HSD17B11: variants seen among roughly 807,000 people sequenced by gnomAD.
The protein encoded by HSD17B11 is estradiol 17-beta-dehydrogenase 11.
A neutral mutation model predicts 27.8 loss-of-function variants in HSD17B11; 22 were observed. That is an observed-to-expected ratio of 0.79 (90% confidence interval 0.56 to 1.13). The LOEUF is 1.13. HSD17B11 is among the 50% of genes most tolerant of loss of function. The pLI, the probability that HSD17B11 is intolerant of heterozygous loss-of-function variation, is 0.00. For synonymous variants in HSD17B11, 117 were observed against 132.8 expected, an observed-to-expected ratio of 0.88 and a Z score of 0.82; for missense variants, 314 against 351.1, an observed-to-expected ratio of 0.89 and a Z score of 0.84.
intron 1 of HSD17B11, among the ~76,000 whole-genome samples, 159 bp downstream of exon 1, chr4:87,390,702 C>T (rs1366827698): frequency 6.6e-6 from 1 of 152,094 alleles, no homozygotes; most frequent in Non-Finnish European, 1.5e-5. Context: ...TGTGATCATA[C>T]AACATATTAA....
chr4:87,382,532 TA>T (rs1164564004), intron 1 of HSD17B11, among the ~76,000 whole-genome samples, 170 bp from the exon 2 acceptor site: 2 of 152,252 alleles, frequency 1.3e-5, no homozygotes, highest in Non-Finnish European at 2.9e-5. Context: ...ATTTTGCTTT[TA>T]GTATTTTGAC....
Position 87,358,010 on chromosome 4 carries a change from G to A in HSD17B11, c.558-594C>T, listed in dbSNP as rs1365075997. Among the ~76,000 whole-genome samples, 3 of 120,282 alleles carry A rather than the reference G, an allele frequency of 2.5e-5. No individual in the cohort carries two copies. The East Asian group carries it at 8.5e-4, about 34-fold the overall frequency. 78.9% of individuals were successfully genotyped at this position (120,282 alleles called of 152,430 possible). ...AGAGTCTTGCTCTGTCACCCAGGCT[G>A]GAGTGCGGTGGTGCGATCTCGGCTC... On this transcript the variant is annotated intron_variant, in intron 4 of 6. Coordinates refer to ENST00000358290, the MANE Select transcript of HSD17B11 (RefSeq NM_016245.5).
chr4:87,367,726 T>C (rs1323901114), intron 4 of HSD17B11, among the ~76,000 whole-genome samples: 1 of 152,226 alleles, frequency 6.6e-6, no homozygotes, highest in Admixed American at 6.5e-5. Flanking sequence ...CCCTGTTTAT[T>C]CCTGTAAACC....
intron 2 of HSD17B11, among the ~76,000 whole-genome samples, chr4:87,376,778 T>A (rs1735834492): frequency 6.6e-6 from 1 of 152,124 alleles, no homozygotes; most frequent in Non-Finnish European, 1.5e-5. Context: ...TGAGGAAATA[T>A]AAACAAAAGA....
Position 87,372,729 on chromosome 4 carries a change from G to C in HSD17B11, c.537C>G (p.Val179=), listed in dbSNP as rs372213288. 5.6e-6 allele frequency: 9 copies of C among 1,610,752 alleles called. No homozygotes were observed. The South Asian group carries it at 8.8e-5, about 16-fold the overall frequency. Residue 179 remains valine (V), a synonymous_variant, in exon 4 of 7, where the codon GTC becomes GTG. Transcript: ENST00000358290. ...CATACCAGTAAGCCAGTAAGAAGGGGACCGAGACATGTCCAGCTGCCGAAG... is the reference window on the plus strand; with the variant it reads ...CATACCAGTAAGCCAGTAAGAAGGGCACCGAGACATGTCCAGCTGCCGAAG... The part of the protein sequence containing the change: ...TVASAAGHVS[V]PFLLAYCSSK...
chr4:87,358,183 G>A (rs1173507769), intron 4 of HSD17B11, among the ~76,000 whole-genome samples: 1 of 151,910 alleles, frequency 6.6e-6, no homozygotes, highest in Non-Finnish European at 1.5e-5. Flanking sequence ...GGATGGTCTC[G>A]ATTTCCTGAC....
rs748955521 is a variant in HSD17B11 at position 87,357,948 on chromosome 4, A to ATTTTTTTTTTTTT, written c.558-533_558-532insAAAAAAAAAAAAA. On this transcript the variant is annotated intron_variant, in intron 4 of 6. Transcript: ENST00000358290. Reference sequence around the variant, plus strand: ...TTTGTAACTGAACATTCATTAGAGAAATTTTTTTTTTTTTTTTTTTTTTTT... The same window carrying ATTTTTTTTTTTTT: ...TTTGTAACTGAACATTCATTAGAGAATTTTTTTTTTTTTATTTTTTTTTTTTTTTTTTTTTTTT... 1.3e-3 allele frequency among the ~76,000 whole-genome samples: 124 copies of ATTTTTTTTTTTTT among 97,346 alleles called. 11 individuals carry two copies. Among genetic ancestry groups the ATTTTTTTTTTTTT allele is most frequent in the South Asian group, 3.1e-3 (10 of 3,228 alleles). The allele number at this position is 97,346 out of a possible 152,430, so 63.9% of individuals were successfully genotyped here.
intron 4 of HSD17B11, among the ~76,000 whole-genome samples, chr4:87,358,949 G>A (rs6531979): frequency 0.58 from 87,815 of 151,904 alleles, 25,613 homozygotes; most frequent in African/African-American, 0.64. Context: ...TGACTGGATC[G>A]TGGGGGCAGT....
At chr4:87,376,503 C>CAAAAAAAAAAAAAAAAAA (rs70957230) in intron 2 of HSD17B11, among the ~76,000 whole-genome samples, 1 of 63,172 alleles carries the variant, frequency 1.6e-5, no homozygotes, top group Non-Finnish European at 3.4e-5. Flanking sequence ...GATTTCATCT[C>CAAAAAAAAAAAAAAAAAA]AAAAAAAAAA....
At chr4:87,362,664 G>A (rs1034037489) in intron 4 of HSD17B11, among the ~76,000 whole-genome samples, 28 of 152,204 alleles carry the variant, frequency 1.8e-4, no homozygotes, top group Non-Finnish European at 5.9e-5. Context: ...GGATTAATCT[G>A]CCTTTGTACT....
intron 1 of HSD17B11, among the ~76,000 whole-genome samples, chr4:87,390,549 GT>G (rs1374398333): frequency 7.2e-5 from 11 of 152,138 alleles, no homozygotes; most frequent in African/African-American, 2.4e-4. Flanking sequence ...TAAAACGATT[GT>G]TTTTTCCCTA....
intron 5 of HSD17B11, among the ~76,000 whole-genome samples, chr4:87,343,544 ACT>A (rs1491418838): frequency 1.6e-5 from 2 of 127,866 alleles, no homozygotes; most frequent in East Asian, 2.2e-4. Context: ...AAACATTTCA[ACT>A]CTTTTTTTTT....
chr4:87,371,032 G>A (rs1370365027), intron 4 of HSD17B11, among the ~76,000 whole-genome samples: 19 of 140,396 alleles, frequency 1.4e-4, no homozygotes, highest in African/African-American at 5.1e-4. Flanking sequence ...GATTACAGGC[G>A]TGAGCCACCG....
In HSD17B11 at chr4:87,382,245, A is replaced by C; in HGVS notation, c.318+10T>G. Reference sequence around the variant, plus strand: ...ACATGATATGATTCTAACTAAACACAACATTTCACCTTCTTTGCAGAGCTG... The same window carrying C: ...ACATGATATGATTCTAACTAAACACCACATTTCACCTTCTTTGCAGAGCTG... On this transcript the variant is annotated intron_variant, in intron 2 of 6. Coordinates refer to ENST00000358290, the MANE Select transcript of HSD17B11 (RefSeq NM_016245.5). 1 of 1,599,048 alleles carries C rather than the reference A, an allele frequency of 6.3e-7. No homozygotes were observed. The highest frequency in any genetic ancestry group is 1.7e-5 in the Admixed American group (1 of 59,942).
At chr4:87,363,245 G>C (rs970329017) in intron 4 of HSD17B11, among the ~76,000 whole-genome samples, 4 of 152,168 alleles carry the variant, frequency 2.6e-5, no homozygotes, top group Non-Finnish European at 4.4e-5. Context: ...AAAAGGCTAA[G>C]AATTTGTTAC....
intron 5 of HSD17B11, among the ~76,000 whole-genome samples, chr4:87,342,156 G>A (rs1283383765): frequency 6.6e-6 from 1 of 152,104 alleles, no homozygotes; most frequent in East Asian, 1.9e-4. Flanking sequence ...GCCGAGGCAA[G>A]CAGATCACTT....
chr4:87,364,894 C>A (rs183608066), intron 4 of HSD17B11, among the ~76,000 whole-genome samples: 3 of 152,254 alleles, frequency 2.0e-5, no homozygotes, highest in African/African-American at 7.2e-5. Flanking sequence ...AATGGTGGGG[C>A]GAGGTGGCTC....
chr4:87,366,619 G>A (rs999936153), intron 4 of HSD17B11, among the ~76,000 whole-genome samples: 2 of 152,088 alleles, frequency 1.3e-5, no homozygotes, highest in African/African-American at 4.8e-5. Flanking sequence ...TAATTGTTAT[G>A]TAAAATTTTG....
At chr4:87,389,305 C>T (rs1238446359) in intron 1 of HSD17B11, among the ~76,000 whole-genome samples, 1 of 152,186 alleles carries the variant, frequency 6.6e-6, no homozygotes, top group Non-Finnish European at 1.5e-5. Context: ...TCACTGCAAC[C>T]TCTGCCTCCC....
Sources: gnomAD v4.1 joint callset for allele counts (sites outside exome capture counted in the v4.1 genomes callset) on GRCh38, gnomAD v4.1.1 for gene constraint, MANE v1.5 for transcripts, NCBI Gene and HGNC (gene_info 2026-07-23, HGNC 2026-07-21) for gene names.